Variants in MAP3K7 observed in about 807,000 individuals in gnomAD.
MAP3K7 encodes TGF-beta activated kinase 1.
MAP3K7 carries 21 observed loss-of-function variants against 84.8 expected under a neutral mutation model. The ratio of observed to expected loss-of-function variants is 0.25; its 90% confidence interval spans 0.18 to 0.36. The LOEUF (loss-of-function observed/expected upper bound fraction) is 0.36. MAP3K7 is among the 10% of genes least tolerant of loss of function. The pLI is 1.00. For missense variants in MAP3K7, 503 were observed against 747.7 expected, an observed-to-expected ratio of 0.67 and a Z score of 3.82; for synonymous variants, 241 against 247.7, an observed-to-expected ratio of 0.97 and a Z score of 0.25.
chr6:90,566,794 G>A (rs1402846065), intron 3 of MAP3K7, among the ~76,000 whole-genome samples: 15 of 152,144 alleles, frequency 9.9e-5, no homozygotes, highest in Admixed American at 2.6e-4. Flanking sequence ...GAGGCATCAC[G>A]CTACCTGACT....
chr6:90,586,378 CAAA>C (rs71027942), intron 1 of MAP3K7, among the ~76,000 whole-genome samples: 9 of 78,574 alleles, frequency 1.1e-4, no homozygotes, highest in Non-Finnish European at 1.9e-4. Context: ...GACTCCGTCT[CAAA>C]AAAAAAAAAA....
chr6:90,518,711 C>A, intron 15 of MAP3K7, 149 bp from the exon 16 acceptor site: 2 of 596,742 alleles, frequency 3.4e-6, no homozygotes, highest in South Asian at 4.1e-5. Context: ...CCTAGAAAAT[C>A]TCAGTGTCCT....
chr6:90,580,909 T>C (rs921900630), intron 1 of MAP3K7, among the ~76,000 whole-genome samples: 12 of 152,342 alleles, frequency 7.9e-5, no homozygotes, highest in Admixed American at 4.6e-4. Flanking sequence ...TGATAAGCAT[T>C]TCTCCCCCTA....
chr6:90,538,432 T>A (rs1198310796), intron 12 of MAP3K7, among the ~76,000 whole-genome samples: 1 of 151,892 alleles, frequency 6.6e-6, no homozygotes, highest in Non-Finnish European at 1.5e-5. Flanking sequence ...ATATTATACA[T>A]GGTAGTGTAA....
intron 13 of MAP3K7, among the ~76,000 whole-genome samples, chr6:90,532,506 C>G (rs1451186504): frequency 6.6e-6 from 1 of 152,130 alleles, no homozygotes; most frequent in Non-Finnish European, 1.5e-5. Flanking sequence ...ACATATTTGA[C>G]TAGTAAAAGT....
rs1776618242 is a variant in MAP3K7 at position 90,564,121 on chromosome 6, A to T, written c.298-2454T>A. Reference sequence around the variant, plus strand: ...ACCAGCCATTGCAAAAACATGCCAAATTGTAAAGACCATTGATGCCAGGAA... The same window carrying T: ...ACCAGCCATTGCAAAAACATGCCAATTTGTAAAGACCATTGATGCCAGGAA... On this transcript the variant is annotated intron_variant, in intron 3 of 16. Coordinates refer to ENST00000369329, the MANE Select transcript of MAP3K7 (RefSeq NM_145331.3). Among the ~76,000 whole-genome samples, 7 of 152,360 alleles carry T rather than the reference A, an allele frequency of 4.6e-5. No homozygotes were observed. The South Asian group carries it at 1.4e-3, about 32-fold the overall frequency.
In MAP3K7 at chr6:90,572,254, G is replaced by A. The variant is rs565908954; in HGVS notation, c.121-447C>T. ...GCCTTTGAATAATTCAACAGGGATA[G>A]GGAATGGAGGAGAAACGATATAAAT... On this transcript the variant is annotated intron_variant, in intron 1 of 16. Transcript: ENST00000369329. Among the ~76,000 whole-genome samples the A allele has an allele frequency of 2.2e-3, 333 of 152,174 alleles. 1 individual carries two copies. The highest frequency in any genetic ancestry group is 7.0e-3 in the African/African-American group (292 of 41,554).
At chr6:90,551,016 A>C (rs1776163746) in intron 8 of MAP3K7, 1 of 152,580 alleles carries the variant, frequency 6.6e-6, no homozygotes, top group South Asian at 2.1e-4. Context: ...AAAATGTTAG[A>C]ATTTAGAGAA....
chr6:90,563,527 AAG>A (rs578188067), intron 3 of MAP3K7, among the ~76,000 whole-genome samples: 6 of 152,324 alleles, frequency 3.9e-5, no homozygotes, highest in South Asian at 4.1e-4. Context: ...TTAGAGAAAA[AAG>A]AGTAAAAAGA....
intron 13 of MAP3K7, among the ~76,000 whole-genome samples, chr6:90,532,567 C>T (rs1775542888): frequency 1.3e-5 from 2 of 152,172 alleles, no homozygotes; most frequent in African/African-American, 4.8e-5. Flanking sequence ...TCTAAATAAT[C>T]ATAACTGTAT....
intron 9 of MAP3K7, among the ~76,000 whole-genome samples, chr6:90,549,268 C>A (rs1390893699): frequency 6.6e-6 from 1 of 152,124 alleles, no homozygotes; most frequent in African/African-American, 2.4e-5. Flanking sequence ...CAAACAAGAT[C>A]AGCTGAGAGT....
chr6:90,581,683 G>C (rs1410438633), intron 1 of MAP3K7, among the ~76,000 whole-genome samples: 1 of 152,108 alleles, frequency 6.6e-6, no homozygotes, highest in African/African-American at 2.4e-5. Context: ...TATCTCTGTA[G>C]CTACCTCTTA....
intron 3 of MAP3K7, among the ~76,000 whole-genome samples, chr6:90,562,518 G>T (rs1025593873): frequency 2.0e-5 from 3 of 152,200 alleles, no homozygotes; most frequent in Non-Finnish European, 4.4e-5. Flanking sequence ...CGGCAGCGAC[G>T]CTGGGAGAGG....
intron 1 of MAP3K7, among the ~76,000 whole-genome samples, chr6:90,584,312 A>T (rs979049926): frequency 1.3e-5 from 2 of 152,222 alleles, no homozygotes; most frequent in East Asian, 3.8e-4. Flanking sequence ...CAAATGAAGA[A>T]GATGATGGAA....
At chr6:90,585,190 A>C (rs191549160) in intron 1 of MAP3K7, among the ~76,000 whole-genome samples, 1 of 152,320 alleles carries the variant, frequency 6.6e-6, no homozygotes, top group Admixed American at 6.5e-5. Flanking sequence ...GCCCCAAATC[A>C]CACAGCTAAT....
intron 13 of MAP3K7, among the ~76,000 whole-genome samples, chr6:90,524,126 T>C (rs1021889339): frequency 6.6e-6 from 1 of 152,090 alleles, no homozygotes; most frequent in Non-Finnish European, 1.5e-5. Context: ...CTCAGAGGAA[T>C]GGACCATAAA....
intron 4 of MAP3K7, among the ~76,000 whole-genome samples, chr6:90,560,620 A>G (rs972822931): frequency 6.6e-6 from 1 of 152,296 alleles, no homozygotes; most frequent in East Asian, 1.9e-4. Flanking sequence ...TTGGCCTCCC[A>G]AAGTGCTGGG....
rs1280748238 is a variant in MAP3K7, at chr6:90,536,344, G to A, written c.1349C>T (p.Pro450Leu). The change falls in exon 13 of 17, where the codon CCT (proline) becomes CTT (leucine). Residue 450 changes from proline (P) to leucine (L), a missense_variant. By Grantham distance (98) the Pro-to-Leu change is moderately conservative (BLOSUM62 -3). This residue lies in a region of MAP3K7 where 286 missense variants were observed against 313.6 expected (regional missense o/e 0.91). Coordinates refer to ENST00000369329, the MANE Select transcript of MAP3K7 (RefSeq NM_145331.3). Reference protein sequence around the residue: ...IQDLTVTGTEPGQVSSRSSSP... With the variant: ...IQDLTVTGTELGQVSSRSSSP... ...ATTTGAATGTTGTCTTACCTGACCA[G>A]GTTCTGTTCCAGTTACAGTCAAGTC... 1.2e-6 allele frequency: 2 copies of A among 1,611,188 alleles called. No homozygotes were observed. Among genetic ancestry groups the A allele is most frequent in the Non-Finnish European group, 8.5e-7 (1 of 1,177,848 alleles).
intron 7 of MAP3K7, 146 bp downstream of exon 7, chr6:90,553,312 T>C (rs1368960542): frequency 6.4e-6 from 5 of 784,486 alleles, no homozygotes; most frequent in Non-Finnish European, 1.0e-5. Context: ...CAGGGCAGAG[T>C]CTGATAATAG....
Sources: gnomAD v4.1 joint callset for allele counts (sites outside exome capture counted in the v4.1 genomes callset) on GRCh38, gnomAD v4.1.1 for gene constraint, gnomAD v4.1.1 regional missense constraint, MANE v1.5 for transcripts, NCBI Gene and HGNC (gene_info 2026-07-23, HGNC 2026-07-21) for gene names.